Variants in SESN1 observed in about 807,000 individuals in gnomAD.
SESN1 encodes sestrin 1.
A neutral mutation model predicts 59.3 loss-of-function variants in SESN1; 30 were observed. The observed-to-expected ratio is 0.51, with a 90% CI of 0.38 to 0.69. The LOEUF is 0.69. Among genes scored for constraint, SESN1 ranks in the 30% least tolerant of loss-of-function variants. The pLI, the probability that SESN1 is intolerant of heterozygous loss-of-function variation, is 0.00. For missense variants in SESN1, 566 were observed against 673.0 expected, an observed-to-expected ratio of 0.84 and a Z score of 1.76; for synonymous variants, 197 against 219.9, an observed-to-expected ratio of 0.90 and a Z score of 0.92.
chr6:108,999,011 T>C, intron 4 of SESN1: 1 of 279,294 alleles, frequency 3.6e-6, no homozygotes, highest in Non-Finnish European at 6.7e-6. Context: ...TGTAAGAGAA[T>C]GCATTTTGCT....
chr6:109,015,922 T>C (rs1166664165), intron 1 of SESN1, among the ~76,000 whole-genome samples: 1 of 152,230 alleles, frequency 6.6e-6, no homozygotes, highest in Non-Finnish European at 1.5e-5. Flanking sequence ...ATAGTGCTTC[T>C]ATTTGTGCAC....
chr6:109,043,649 T>C (rs770200636), intron 1 of SESN1, among the ~76,000 whole-genome samples: 1 of 152,266 alleles, frequency 6.6e-6, no homozygotes, highest in Non-Finnish European at 1.5e-5. Flanking sequence ...CAACAAAATA[T>C]GTATAGACTC....
At chr6:109,043,558 T>C (rs1367308973) in intron 1 of SESN1, among the ~76,000 whole-genome samples, 1 of 152,176 alleles carries the variant, frequency 6.6e-6, no homozygotes, top group African/African-American at 2.4e-5. Flanking sequence ...CAAGAGTGAA[T>C]TGCTTTTCTA....
chr6:109,021,623 G>A (rs1211265229), intron 1 of SESN1, among the ~76,000 whole-genome samples: 1 of 151,930 alleles, frequency 6.6e-6, no homozygotes, highest in Non-Finnish European at 1.5e-5. Context: ...TGTATTTTTA[G>A]TGGAGACGGG....
At position 109,089,901 on chromosome 6, in the gene SESN1, C is replaced by T. The variant is rs74634532; in HGVS notation, c.279+3894G>A. Among the ~76,000 whole-genome samples the T allele has an allele frequency of 7.8e-3, 1,192 of 152,268 alleles. 21 individuals are homozygous for T. The highest frequency in any genetic ancestry group is 0.027 in the African/African-American group (1,142 of 41,546). On this transcript the variant is annotated intron_variant, in intron 1 of 9. Transcript: ENST00000436639. ...CAACCTCCTAATTGATGTCACACAT[C>T]CACTTTTGACCATGGAAATCCATTC...
chr6:108,992,103 A>G (rs1779398078), intron 7 of SESN1, among the ~76,000 whole-genome samples: 1 of 151,498 alleles, frequency 6.6e-6, no homozygotes, highest in Non-Finnish European at 1.5e-5. Flanking sequence ...CCCTTAGCTT[A>G]TTTATTATTT....
intron 1 of SESN1, among the ~76,000 whole-genome samples, chr6:109,008,352 G>A (rs1442409662): frequency 1.3e-5 from 2 of 152,174 alleles, no homozygotes; most frequent in African/African-American, 2.4e-5. Context: ...TTTTGGTAAA[G>A]TTTCCAAAGC....
intron 1 of SESN1, among the ~76,000 whole-genome samples, chr6:109,068,633 G>A (rs1364891963): frequency 6.6e-6 from 1 of 151,388 alleles, no homozygotes; most frequent in Middle Eastern, 3.5e-3. Flanking sequence ...GGATAGAAGA[G>A]TAATTTGAGA....
intron 5 of SESN1, 85 bp from the exon 6 acceptor site, chr6:108,994,694 A>G (rs1460691292): frequency 1.6e-5 from 9 of 548,530 alleles, no homozygotes; most frequent in African/African-American, 1.0e-4. Context: ...ATAAGAATTT[A>G]TATCTTTTTT....
Position 109,044,980 on chromosome 6 carries a change from G to A in SESN1, c.280-42637C>T, listed in dbSNP as rs191658110. On this transcript the variant is annotated intron_variant, in intron 1 of 9. Coordinates refer to ENST00000436639, the MANE Select transcript of SESN1 (RefSeq NM_014454.3). ...AGAGGTTGCGGTGAGCTGAGATTGCGCCACTGCACTCCATCCTGGGCAACA... is the reference window on the plus strand; with the variant it reads ...AGAGGTTGCGGTGAGCTGAGATTGCACCACTGCACTCCATCCTGGGCAACA... Among the ~76,000 whole-genome samples the A allele has an allele frequency of 1.9e-3, 286 of 151,462 alleles. 2 individuals are homozygous for A. The highest frequency in any genetic ancestry group is 3.1e-3 in the Non-Finnish European group (210 of 67,884).
chr6:109,001,522 TG>T (rs749899734), intron 2 of SESN1, 34 bp from the exon 3 acceptor site: 1 of 1,577,492 alleles, frequency 6.3e-7, no homozygotes, highest in South Asian at 1.1e-5. Context: ...GTTACTGAAA[TG>T]GTAAATTGGT....
chr6:108,988,792 TG>T, intron 8 of SESN1, 105 bp from the exon 9 acceptor site: 1 of 895,692 alleles, frequency 1.1e-6, no homozygotes, highest in Non-Finnish European at 1.6e-6. Context: ...TTTCTCTCTT[TG>T]TGTAGGCAGC....
intron 1 of SESN1, among the ~76,000 whole-genome samples, chr6:109,092,218 C>G (rs1012284828): frequency 2.6e-5 from 4 of 152,164 alleles, no homozygotes; most frequent in African/African-American, 9.7e-5. Flanking sequence ...TACTTTACAT[C>G]TGATTTAATT....
chr6:109,003,156 A>C (rs1283604452), intron 1 of SESN1, among the ~76,000 whole-genome samples: 1 of 151,978 alleles, frequency 6.6e-6, no homozygotes, highest in African/African-American at 2.4e-5. Flanking sequence ...AAACTAAAAT[A>C]ATATATTTCA....
chr6:108,994,266 T>C lies in SESN1; in HGVS notation c.1120+196A>G, dbSNP rs565086019. On this transcript the variant is annotated intron_variant, in intron 6 of 9. Coordinates refer to ENST00000436639, the MANE Select transcript of SESN1 (RefSeq NM_014454.3). Reference sequence around the variant, plus strand: ...AATCCAAATTAAATGTCCTCCCCCTTAGTCTAGGATGTTTTCACTTATGAC... The same window carrying C: ...AATCCAAATTAAATGTCCTCCCCCTCAGTCTAGGATGTTTTCACTTATGAC... Among the ~76,000 whole-genome samples, 4 of 152,254 alleles carry C rather than the reference T, an allele frequency of 2.6e-5. No individual in the cohort carries two copies. In the South Asian group the frequency reaches 8.3e-4, roughly 32 times the overall value.
chr6:109,012,193 G>T (rs1779870405), intron 1 of SESN1, among the ~76,000 whole-genome samples: 1 of 151,764 alleles, frequency 6.6e-6, no homozygotes, highest in South Asian at 2.1e-4. Context: ...GTCAGTACAG[G>T]CCAGAGCTAC....
chr6:109,015,800 G>A (rs1289635139), intron 1 of SESN1, among the ~76,000 whole-genome samples: 1 of 152,158 alleles, frequency 6.6e-6, no homozygotes, highest in Admixed American at 6.5e-5. Flanking sequence ...ATATATGCAA[G>A]TAGAAAATAT....
chr6:109,077,315 T>G (rs1173146789), intron 1 of SESN1, among the ~76,000 whole-genome samples: 2 of 152,080 alleles, frequency 1.3e-5, no homozygotes, highest in African/African-American at 4.8e-5. Context: ...GAAAATAGAC[T>G]AGTGATTAAG....
chr6:109,047,598 C>A (rs1318107131), intron 1 of SESN1, among the ~76,000 whole-genome samples: 1 of 144,238 alleles, frequency 6.9e-6, no homozygotes, highest in African/African-American at 2.5e-5. Context: ...GAGGTGTGCC[C>A]AACAGCTCAT....
Sources: allele counts gnomAD v4.1 joint callset (sites outside exome capture counted in the v4.1 genomes callset), GRCh38; gene constraint gnomAD v4.1.1; transcripts MANE v1.5; gene names NCBI Gene and HGNC (gene_info 2026-07-23, HGNC 2026-07-21).